Variants in MSMB observed in about 807,000 individuals in gnomAD.
MSMB encodes beta-microseminoprotein.
In MSMB, 10 loss-of-function variants were observed where a neutral mutation model predicts 10.5. The ratio of observed to expected loss-of-function variants is 0.95; its 90% CI spans 0.59 to 1.62. The LOEUF is 1.62. Ranked by LOEUF, MSMB falls within the 40% of genes most tolerant of loss-of-function variation. The probability of loss-of-function intolerance (pLI) is 0.00; values close to 1 mark genes in which losing one functional copy is unlikely to be tolerated. For synonymous variants in MSMB, 43 were observed against 46.5 expected (o/e 0.93, Z 0.30); for missense variants, 126 against 137.4 (o/e 0.92, Z 0.42).
intron 1 of MSMB, among the ~76,000 whole-genome samples, chr10:46,041,933 C>A (rs1840762888): frequency 6.6e-6 from 1 of 151,736 alleles, no homozygotes; most frequent in Non-Finnish European, 1.5e-5. Context: ...TAAACATGTT[C>A]TTTGAGATCT....
At chr10:46,033,792 G>A (rs1453754846) in intron 3 of MSMB, among the ~76,000 whole-genome samples, 1 of 152,190 alleles carries the variant, frequency 6.6e-6, no homozygotes, top group African/African-American at 2.4e-5. Context: ...CAGGCCCAGG[G>A]GCAAGTCTGG....
At chr10:46,045,136 A>G (rs1401194711) in intron 1 of MSMB, among the ~76,000 whole-genome samples, 1 of 152,174 alleles carries the variant, frequency 6.6e-6, no homozygotes, top group Non-Finnish European at 1.5e-5. Flanking sequence ...CAGCCCCCAG[A>G]GCAGCCCAGT....
At chr10:46,044,302 C>T (rs538887067) in intron 1 of MSMB, among the ~76,000 whole-genome samples, 1 of 151,828 alleles carries the variant, frequency 6.6e-6, no homozygotes, top group African/African-American at 2.4e-5. Flanking sequence ...CTTGGCTGGG[C>T]GCGGTGGCTC....
At chr10:46,042,919 A>T (rs1252986453) in intron 1 of MSMB, among the ~76,000 whole-genome samples, 1 of 152,200 alleles carries the variant, frequency 6.6e-6, no homozygotes, top group African/African-American at 2.4e-5. Context: ...TTTCTACAAT[A>T]AAATATATGA....
At chr10:46,045,087 C>T (rs1554929268) in intron 1 of MSMB, among the ~76,000 whole-genome samples, 1 of 152,204 alleles carries the variant, frequency 6.6e-6, no homozygotes, top group East Asian at 1.9e-4. Context: ...CCCTTGGCTC[C>T]TCCCACTTGG....
chr10:46,044,641 G>T (rs1554929196), intron 1 of MSMB, among the ~76,000 whole-genome samples: 1 of 147,468 alleles, frequency 6.8e-6, no homozygotes, highest in Non-Finnish European at 1.5e-5. Context: ...TCCTGGAAGG[G>T]TTATCCCATG....
intron 1 of MSMB, 54 bp from the exon 2 acceptor site, chr10:46,040,145 C>T (rs1840708382): frequency 4.8e-6 from 7 of 1,471,766 alleles, no homozygotes; most frequent in Non-Finnish European, 6.6e-6. Flanking sequence ...AAGGATAATC[C>T]TTGACTGAGT....
At chr10:46,037,904 T>G (rs961059522) in intron 3 of MSMB, among the ~76,000 whole-genome samples, 5 of 152,216 alleles carry the variant, frequency 3.3e-5, no homozygotes, top group Admixed American at 2.6e-4. Context: ...ATGCAAAATG[T>G]GGTCTCTCCA....
intron 1 of MSMB, among the ~76,000 whole-genome samples, chr10:46,041,344 CAAAAAA>C (rs60728604): frequency 6.2e-4 from 60 of 96,600 alleles, no homozygotes; most frequent in South Asian, 7.8e-4. Flanking sequence ...GACTCCGTCT[CAAAAAA>C]AAAAAAAAAA....
intron 3 of MSMB, among the ~76,000 whole-genome samples, chr10:46,036,906 A>G (rs1308742262): frequency 6.6e-6 from 1 of 152,204 alleles, no homozygotes; most frequent in Non-Finnish European, 1.5e-5. Flanking sequence ...ATCACACTCC[A>G]CCAGAGTGAC....
intron 1 of MSMB, among the ~76,000 whole-genome samples, chr10:46,045,838 G>T (rs1840884076): frequency 6.6e-6 from 1 of 152,118 alleles, no homozygotes; most frequent in South Asian, 2.1e-4. Context: ...CAGGCTTGCG[G>T]TGAGACCCCA....
chr10:46,035,511 A>G (rs1840580656), intron 3 of MSMB, among the ~76,000 whole-genome samples: 1 of 152,272 alleles, frequency 6.6e-6, no homozygotes, highest in African/African-American at 2.4e-5. Context: ...TACAACATGA[A>G]TGAACCTTGA....
At chr10:46,041,344 CAAAAA>C (rs60728604) in intron 1 of MSMB, among the ~76,000 whole-genome samples, 7 of 96,602 alleles carry the variant, frequency 7.2e-5, no homozygotes, top group Non-Finnish European at 1.3e-4. Context: ...GACTCCGTCT[CAAAAA>C]AAAAAAAAAA....
chr10:46,039,408 AT>A (rs1554928082), intron 2 of MSMB, among the ~76,000 whole-genome samples: 1 of 152,202 alleles, frequency 6.6e-6, no homozygotes, highest in Non-Finnish European at 1.5e-5. Context: ...CTACTGGATT[AT>A]CTCTGGATGA....
chr10:46,041,376 A>T lies in MSMB; in HGVS notation c.4-1285T>A. Among the ~76,000 whole-genome samples, 2 of 151,654 alleles carry T rather than the reference A, an allele frequency of 1.3e-5. 1 individual carries two copies. The highest frequency in any genetic ancestry group is 4.8e-5 in the African/African-American group (2 of 41,384). ...AAAAAAAAAAAAAAAATCAATTAAG[A>T]TCTTTAAACTAAATTTGTTGTAATT... On this transcript the variant is annotated intron_variant, in intron 1 of 3. Coordinates refer to ENST00000582163, the MANE Select transcript of MSMB (RefSeq NM_002443.4).
chr10:46,041,879 C>A (rs7100901), intron 1 of MSMB, among the ~76,000 whole-genome samples: 31,175 of 147,786 alleles, frequency 0.21, 3,815 homozygotes, highest in African/African-American at 0.36. Context: ...AAGAAAAAAA[C>A]AAAACCCAGA....
At chr10:46,039,624 G>A in intron 2 of MSMB, among the ~76,000 whole-genome samples, 1 of 152,350 alleles carries the variant, frequency 6.6e-6, no homozygotes, top group East Asian at 1.9e-4. Flanking sequence ...GCTCACACCT[G>A]TAATCCCAAC....
At chr10:46,040,365 A>C (rs1400218691) in intron 1 of MSMB, among the ~76,000 whole-genome samples, 2 of 152,224 alleles carry the variant, frequency 1.3e-5, no homozygotes, top group African/African-American at 4.8e-5. Flanking sequence ...TGTTAAAAAA[A>C]ATGTTGAGGA....
rs1266927721 is a variant in MSMB, at chr10:46,039,082, A to G, written c.110-11T>C. The G allele has an allele frequency of 6.2e-7, 1 of 1,610,170 alleles. No homozygotes were observed. The highest frequency in any genetic ancestry group is 8.5e-7 in the Non-Finnish European group (1 of 1,176,842). On this transcript the variant is annotated splice_polypyrimidine_tract_variant and intron_variant, in intron 2 of 3. Coordinates refer to ENST00000582163, the MANE Select transcript of MSMB (RefSeq NM_002443.4). ...TGAGATCCATGCATTCTAAAATAATACACACAACATCATCAGTGCAAGTCA... is the reference window on the plus strand; with the variant it reads ...TGAGATCCATGCATTCTAAAATAATGCACACAACATCATCAGTGCAAGTCA...
Sources: allele counts gnomAD v4.1 joint callset (sites outside exome capture counted in the v4.1 genomes callset), GRCh38; gene constraint gnomAD v4.1.1; transcripts MANE v1.5; gene names NCBI Gene and HGNC (gene_info 2026-07-23, HGNC 2026-07-21).